Variants in CLCN5 observed in about 807,000 individuals in gnomAD.
The protein encoded by CLCN5 is H(+)/Cl(-) exchange transporter 5.
In CLCN5, 17 loss-of-function variants were observed where a neutral mutation model predicts 54.0. The ratio of observed to expected loss-of-function variants is 0.31; its 90% CI spans 0.22 to 0.47. The LOEUF (loss-of-function observed/expected upper bound fraction) is 0.47, where lower values mean the gene tolerates loss of function less well. Ranked by LOEUF, CLCN5 falls within the 20% of genes least tolerant of loss-of-function variation. The pLI is 1.00. For synonymous variants in CLCN5, 222 were observed against 233.0 expected (o/e 0.95, Z 0.43); for missense variants, 448 against 646.7 (o/e 0.69, Z 3.33).
At chrX:49,974,868 G>C (rs186297446) in intron 3 of CLCN5, among the ~76,000 whole-genome samples, 1 of 112,413 alleles carries the variant, frequency 8.9e-6, no homozygotes, top group Non-Finnish European at 1.9e-5. Flanking sequence ...TACAAAGTTA[G>C]AACCTGGTTT....
intron 3 of CLCN5, among the ~76,000 whole-genome samples, chrX:49,954,834 G>A (rs1179952240): frequency 8.9e-6 from 1 of 111,915 alleles, no homozygotes; most frequent in Non-Finnish European, 1.9e-5. Context: ...GTTAAAGATT[G>A]AATCTTTGTG....
intron 3 of CLCN5, among the ~76,000 whole-genome samples, chrX:49,982,986 G>A (rs782699049): frequency 8.9e-6 from 1 of 111,821 alleles, no homozygotes; most frequent in East Asian, 2.8e-4. Flanking sequence ...CATTATTGTG[G>A]TATAACTGGT....
At chrX:49,944,314 T>C (rs1426807985) in intron 3 of CLCN5, among the ~76,000 whole-genome samples, 12 of 111,652 alleles carry the variant, frequency 1.1e-4, no homozygotes, top group Non-Finnish European at 2.3e-4. Flanking sequence ...GCTGAGATGA[T>C]GGGGTTTTCT....
At chrX:49,958,628 A>G (rs1200762388) in intron 3 of CLCN5, among the ~76,000 whole-genome samples, 10 of 111,480 alleles carry the variant, frequency 9.0e-5, no homozygotes, top group Non-Finnish European at 3.8e-5. Context: ...CTAGTCTGCT[A>G]TGATTTTTTT....
chrX:49,976,223 G>GGAAT (rs1468272614), intron 3 of CLCN5, among the ~76,000 whole-genome samples: 2 of 112,507 alleles, frequency 1.8e-5, no homozygotes, highest in Admixed American at 1.9e-4. Flanking sequence ...AGAAACTCTG[G>GGAAT]GAATGGGGCC....
intron 3 of CLCN5, among the ~76,000 whole-genome samples, chrX:49,952,368 CA>C (rs368547198): frequency 1.5e-3 from 128 of 83,431 alleles, no homozygotes; most frequent in Middle Eastern, 6.1e-3. Context: ...TTTGGCTTTA[CA>C]AAAAAAAAAA....
At chrX:49,964,374 C>T (rs1927741856) in intron 3 of CLCN5, among the ~76,000 whole-genome samples, 1 of 111,920 alleles carries the variant, frequency 8.9e-6, no homozygotes, top group Non-Finnish European at 1.9e-5. Context: ...AGGCTTTATT[C>T]TACGCACCTT....
At chrX:50,001,924 A>G (rs1929840667) in intron 3 of CLCN5, among the ~76,000 whole-genome samples, 1 of 110,103 alleles carries the variant, frequency 9.1e-6, no homozygotes, top group Non-Finnish European at 1.9e-5. Context: ...TACTTGACAG[A>G]TCAACACACA....
intron 4 of CLCN5, chrX:50,050,155 C>A (rs1476414090): frequency 2.7e-5 from 3 of 112,086 alleles, no homozygotes; most frequent in African/African-American, 6.5e-5. Context: ...GAAGTTGCTA[C>A]AAACACCTGT....
chrX:50,082,661 G>A (rs1026611192), intron 9 of CLCN5, among the ~76,000 whole-genome samples: 3 of 111,148 alleles, frequency 2.7e-5, no homozygotes, highest in African/African-American at 9.8e-5. Flanking sequence ...GGAGAGTGAG[G>A]GGTAGTGAAG....
intron 3 of CLCN5, among the ~76,000 whole-genome samples, chrX:49,925,877 C>T (rs868985223): frequency 8.0e-5 from 9 of 112,589 alleles, no homozygotes; most frequent in Non-Finnish European, 1.5e-4. Flanking sequence ...TGATGTATTA[C>T]ATCTCTCATG....
intron 3 of CLCN5, among the ~76,000 whole-genome samples, chrX:50,007,469 CACACAG>C (rs1419119373): frequency 0.012 from 1,311 of 106,212 alleles, 17 homozygotes; most frequent in African/African-American, 0.045. Flanking sequence ...CACACACACA[CACACAG>C]AGAGAGTGGA....
intron 4 of CLCN5, among the ~76,000 whole-genome samples, chrX:50,047,323 C>T (rs1557187853): frequency 9.0e-6 from 1 of 111,206 alleles, no homozygotes. Flanking sequence ...AACACTTGAA[C>T]GTCCCTAAAC....
chrX:50,016,928 A>AT (rs1384410826), intron 3 of CLCN5, among the ~76,000 whole-genome samples: 6 of 109,421 alleles, frequency 5.5e-5, no homozygotes, highest in Non-Finnish European at 1.1e-4. Flanking sequence ...CTTTTCTTTC[A>AT]TTTTTTTCCC....
At chrX:50,079,169 C>T (rs1033993542) in intron 7 of CLCN5, among the ~76,000 whole-genome samples, 3 of 111,397 alleles carry the variant, frequency 2.7e-5, no homozygotes, top group African/African-American at 9.8e-5. Context: ...TTTCCTTTCA[C>T]TCCCTTACCC....
intron 4 of CLCN5, among the ~76,000 whole-genome samples, chrX:50,049,289 G>A (rs1211550208): frequency 4.5e-5 from 5 of 111,882 alleles, no homozygotes; most frequent in African/African-American, 1.6e-4. Flanking sequence ...GTATTCAGTA[G>A]AATAACATGC....
intron 3 of CLCN5, among the ~76,000 whole-genome samples, chrX:49,938,801 A>C (rs1339862323): frequency 9.7e-6 from 1 of 102,692 alleles, no homozygotes; most frequent in Non-Finnish European, 2.0e-5. Context: ...GGATCTAATT[A>C]AACTAAAGAG....
chrX:50,017,511 T>TC (rs1930845508), intron 3 of CLCN5, among the ~76,000 whole-genome samples: 1 of 112,026 alleles, frequency 8.9e-6, no homozygotes, highest in Non-Finnish European at 1.9e-5. Flanking sequence ...ATTTTTTCTT[T>TC]CATGGATCAT....
intron 3 of CLCN5, among the ~76,000 whole-genome samples, chrX:50,036,005 G>A (rs1931980220): frequency 1.8e-5 from 2 of 111,742 alleles, no homozygotes; most frequent in Non-Finnish European, 3.8e-5. Context: ...AATTCTGGCT[G>A]ACCTCAGGCT....
Sources: allele counts gnomAD v4.1 joint callset (sites outside exome capture counted in the v4.1 genomes callset), GRCh38; gene constraint gnomAD v4.1.1; transcripts MANE v1.5; gene names NCBI Gene and HGNC (gene_info 2026-07-23, HGNC 2026-07-21).